Variants in TCTN1 observed in about 807,000 individuals in gnomAD.
The protein encoded by TCTN1 is tectonic-1.
In TCTN1, 58 loss-of-function variants were observed where a neutral mutation model predicts 65.8. That is an observed-to-expected ratio of 0.88 (90% confidence interval 0.71 to 1.10). TCTN1 has a LOEUF of 1.10. Ranked by LOEUF, TCTN1 falls within the 50% of genes least tolerant of loss-of-function variation. The pLI is 0.00. For synonymous variants in TCTN1, 273 were observed against 289.1 expected (o/e 0.94, Z 0.57); for missense variants, 645 against 719.4 (o/e 0.90, Z 1.18).
In TCTN1 at chr12:110,639,458, G is replaced by GTA. The variant is rs777943434; in HGVS notation, c.844-924_844-923insAT. ...AACCACTGTGTGTGTGTGTGTGTGT[G>GTA]TGTATGTGTGTGTGAGCGTGCTTGC... On this transcript the variant is annotated intron_variant, in intron 7 of 14. Transcript: ENST00000397659. The surrounding 1 kb of genome is among the most constrained non-coding windows in gnomAD (Gnocchi z 4.9). 5.9e-5 allele frequency among the ~76,000 whole-genome samples: 9 copies of GTA among 151,972 alleles called. No homozygotes were observed. Among genetic ancestry groups the GTA allele is most frequent in the African/African-American group, 1.9e-4 (8 of 41,376 alleles).
At chr12:110,631,503 G>A (rs1593297774) in intron 4 of TCTN1, among the ~76,000 whole-genome samples, 1 of 151,948 alleles carries the variant, frequency 6.6e-6, no homozygotes, top group Non-Finnish European at 1.5e-5. Flanking sequence ...GCGTGGTGGT[G>A]CGTGCCTGTA....
At chr12:110,647,404 T>C (rs914109881) in intron 13 of TCTN1, 68 bp downstream of exon 13, 8 of 1,583,646 alleles carry the variant, frequency 5.1e-6, no homozygotes, top group Admixed American at 3.3e-5. Flanking sequence ...GTGTGGTAGG[T>C]GACAGGTATT....
intron 1 of TCTN1, 118 bp from the exon 2 acceptor site, chr12:110,619,718 T>C (rs2135903079): frequency 6.6e-7 from 1 of 1,516,464 alleles, no homozygotes; most frequent in Non-Finnish European, 9.0e-7. Context: ...CAAAGTGCAA[T>C]AGGAAAAATA....
At chr12:110,641,656 A>G in intron 10 of TCTN1, 29 bp downstream of exon 10, 1 of 1,595,900 alleles carries the variant, frequency 6.3e-7, no homozygotes, top group Non-Finnish European at 8.6e-7. Context: ...TAGAGGGTGG[A>G]TTTATTTCTC....
chr12:110,634,445 G>A (rs1253558757), intron 5 of TCTN1: 1 of 579,226 alleles, frequency 1.7e-6, no homozygotes, highest in Non-Finnish European at 3.2e-6. Context: ...GGGAGGCCGA[G>A]GCGAGAGGAT....
chr12:110,648,996 T>C (rs2067642538), intron 14 of TCTN1, 47 bp from the exon 15 acceptor site: 1 of 455,882 alleles, frequency 2.2e-6, no homozygotes, highest in Admixed American at 2.6e-5. Flanking sequence ...AAGAGACTTT[T>C]CTAGAATGGG....
chr12:110,641,041 A>C lies in TCTN1; in HGVS notation c.996A>C (p.Thr332=). The C allele has an allele frequency of 6.2e-7, 1 of 1,614,268 alleles. No homozygotes were observed. The highest frequency in any genetic ancestry group is 1.1e-5 in the South Asian group (1 of 91,084). Residue 332 remains threonine (T), a synonymous_variant, in exon 9 of 15, where the codon ACA becomes ACC. Transcript: ENST00000397659. ...GTTTTTAGGTAAAGTACAGCCTCAC[A>C]TACACAGATGCAGGTGAAGTCACCA... ...NVVLEVKYSL[T]YTDAGEVTKA... is the part of the protein sequence containing the mutation.
chr12:110,619,720 G>A, intron 1 of TCTN1, 116 bp from the exon 2 acceptor site: 1 of 1,540,894 alleles, frequency 6.5e-7, no homozygotes, highest in Non-Finnish European at 8.8e-7. Context: ...AAGTGCAATA[G>A]GAAAAATAAA....
At chr12:110,618,999 C>T (rs1393254950) in intron 1 of TCTN1, among the ~76,000 whole-genome samples, 5 of 149,410 alleles carry the variant, frequency 3.3e-5, no homozygotes, top group South Asian at 2.1e-4. Flanking sequence ...GGTGAAACCC[C>T]GTCCCTAATA....
At chr12:110,628,696 C>T in intron 3 of TCTN1, 71 bp from the exon 4 acceptor site, 3 of 1,371,720 alleles carry the variant, frequency 2.2e-6, no homozygotes, top group Non-Finnish European at 3.0e-6. Flanking sequence ...TTTCCAAAAC[C>T]TTTATATAGG....
Position 110,619,905 on chromosome 12 carries a change from G to A in TCTN1, c.290G>A (p.Cys97Tyr), listed in dbSNP as rs546094248. ...ATCAACTGCTGCTGTGATCCCGACT[G>A]CAGCTCCGTGGATTTCAGTGTCTTT... ...CDINCCCDPD[C>Y]SSVDFSVFSA... is the part of the protein sequence containing the mutation. Residue 97 changes from cysteine to tyrosine, a missense_variant, in exon 2 of 15, where the codon TGC (cysteine) becomes TAC (tyrosine). Coordinates refer to ENST00000397659, the MANE Select transcript of TCTN1 (RefSeq NM_001082538.3). The A allele has an allele frequency of 1.2e-6, 2 of 1,614,140 alleles. No homozygotes were observed. Among genetic ancestry groups the A allele is most frequent in the Non-Finnish European group, 1.7e-6 (2 of 1,180,030 alleles).
At chr12:110,626,776 T>C (rs1363495111) in intron 3 of TCTN1, among the ~76,000 whole-genome samples, 1 of 147,040 alleles carries the variant, frequency 6.8e-6, no homozygotes, top group Non-Finnish European at 1.5e-5. Flanking sequence ...TTTTTTTTTT[T>C]TTTTTTTTTT....
In TCTN1 at chr12:110,644,298, T is replaced by C. The variant is rs2067154762; in HGVS notation, c.1332-669T>C. On this transcript the variant is annotated intron_variant, in intron 11 of 14. Coordinates refer to ENST00000397659, the MANE Select transcript of TCTN1 (RefSeq NM_001082538.3). This position sits in a 1 kb window ranked among gnomAD's most constrained non-coding sequence, Gnocchi z 4.6. ...GACTCATCATCTCACAGGTAAAGAT[T>C]TTGCAAAGTTAGAGACTCTTTAGCT... 6.5e-6 allele frequency: 1 copy of C among 154,734 alleles called. No homozygotes were observed. The highest frequency in any genetic ancestry group is 1.4e-5 in the Non-Finnish European group (1 of 69,752). 9.6% of individuals were successfully genotyped at this position (154,734 alleles called of 1,614,324 possible).
chr12:110,636,455 A>T (rs912817994), intron 6 of TCTN1, 26 bp from the exon 7 acceptor site: 1 of 1,363,676 alleles, frequency 7.3e-7, no homozygotes. Context: ...ACTTAACACA[A>T]TTTTTTGTGG....
rs771751778 is a variant in TCTN1, at chr12:110,647,246, A to C, written c.1545A>C (p.Glu515Asp). 7.4e-6 allele frequency: 12 copies of C among 1,614,078 alleles called. No individual in the cohort carries two copies. Among genetic ancestry groups the C allele is most frequent in the South Asian group, 2.2e-5 (2 of 91,090 alleles). ...AGCTCCCAGGGGCTTTGGTTATAGA[A>C]GTGAAGTGGACTAAATACGGATCCC... ...SCQLPGALVI[E>D]VKWTKYGSLL... Residue 515 changes from glutamate (E) to aspartate (D), a missense_variant, in exon 13 of 15, where the codon GAA becomes GAC. Physicochemically the swap from Glu to Asp is conservative, Grantham distance 45. Coordinates refer to ENST00000397659, the MANE Select transcript of TCTN1 (RefSeq NM_001082538.3).
rs2067013195 is a variant in TCTN1, at chr12:110,642,343, A to G, written c.1285A>G (p.Thr429Ala). 6.2e-7 allele frequency: 1 copy of G among 1,614,064 alleles called. No individual in the cohort carries two copies. Among genetic ancestry groups the G allele is most frequent in the Non-Finnish European group, 8.5e-7 (1 of 1,180,048 alleles). Residue 429 changes from threonine to alanine, a missense_variant, in exon 11 of 15, where the codon ACC becomes GCC. By Grantham distance (58) the Thr-to-Ala change is moderately conservative. Coordinates refer to ENST00000397659, the MANE Select transcript of TCTN1 (RefSeq NM_001082538.3). ...CTGCTTAGCACTGGAGGGGGTCCGG[A>G]CCCCAGTATTATTTGGTTACACTAT... ...QDCLALEGVR[T>A]PVLFGYTMQS...
In TCTN1 at chr12:110,640,413, C is replaced by A; in HGVS notation, c.874C>A (p.Gln292Lys). The change falls in exon 8 of 15, where the codon CAG (glutamine) becomes AAG (lysine). Residue 292 changes from glutamine to lysine, a missense_variant. Gln to Lys is a moderately conservative substitution (Grantham distance 53). Transcript: ENST00000397659. This position sits in a 1 kb window ranked among gnomAD's most constrained non-coding sequence, Gnocchi z 4.9. ...TATCACTGTTCAGTCCATCGTCATT[C>A]AGTCTCTAAATAAAACGCTCACCCG... ...VPITVQSIVI[Q>K]SLNKTLTRRE... The A allele has an allele frequency of 6.2e-7, 1 of 1,614,164 alleles. No individual in the cohort carries two copies. Among genetic ancestry groups the A allele is most frequent in the Non-Finnish European group, 8.5e-7 (1 of 1,180,040 alleles).
In TCTN1 at chr12:110,634,835, C is replaced by T. The variant is rs750232713; in HGVS notation, c.822+56C>T. ...ATTAGGTATGTTTCTGTTCTTTCTGCGCTTTTAAAATATGACAAGTACAGA... is the reference window on the plus strand; with the variant it reads ...ATTAGGTATGTTTCTGTTCTTTCTGTGCTTTTAAAATATGACAAGTACAGA... On this transcript the variant is annotated intron_variant, in intron 6 of 14. Coordinates refer to ENST00000397659, the MANE Select transcript of TCTN1 (RefSeq NM_001082538.3). The T allele has an allele frequency of 1.8e-5, 25 of 1,358,840 alleles. No homozygotes were observed. The Admixed American group carries it at 2.5e-4, about 14-fold the overall frequency. 84.2% of individuals were successfully genotyped at this position (1,358,840 alleles called of 1,614,324 possible). A position where few individuals can be genotyped will look rare whatever the true frequency, so the allele number is the denominator to read the frequency against.
Position 110,640,882 on chromosome 12 carries a change from A to G in TCTN1, c.979-142A>G. On this transcript the variant is annotated intron_variant, in intron 8 of 14. Coordinates refer to ENST00000397659, the MANE Select transcript of TCTN1 (RefSeq NM_001082538.3). The surrounding 1 kb of genome is among the most constrained non-coding windows in gnomAD (Gnocchi z 4.9). ...GGGTGGTGCTGAGGGAACACCTCTC[A>G]TAATCCAACTGGACAGCAGAGCAAG... 8.0e-7 allele frequency: 1 copy of G among 1,250,500 alleles called. No individual in the cohort carries two copies. Among genetic ancestry groups the G allele is most frequent in the South Asian group, 1.2e-5 (1 of 81,788 alleles). 77.5% of individuals were successfully genotyped at this position (1,250,500 alleles called of 1,614,324 possible). A position where few individuals can be genotyped will look rare whatever the true frequency, so the allele number is the denominator to read the frequency against.
Sources: gnomAD v4.1 joint callset for allele counts (sites outside exome capture counted in the v4.1 genomes callset) on GRCh38, gnomAD v4.1.1 for gene constraint, Gnocchi (gnomAD v3.1) non-coding constraint, MANE v1.5 for transcripts, NCBI Gene and HGNC (gene_info 2026-07-23, HGNC 2026-07-21) for gene names.